PLXNA4: variants seen among roughly 807,000 people sequenced by gnomAD.
PLXNA4 encodes plexin A4, also known as plexin-A4.
PLXNA4 carries 44 observed loss-of-function variants against 191.8 expected under a neutral mutation model. The ratio of observed to expected loss-of-function variants is 0.23; its 90% CI spans 0.18 to 0.29. The LOEUF is 0.29. PLXNA4 is among the 10% of genes least tolerant of loss of function. The pLI is 1.00. For synonymous variants in PLXNA4, 1,082 were observed against 1,009.5 expected, an observed-to-expected ratio of 1.07 and a Z score of -1.36; for missense variants, 1,800 against 2,488.8, an observed-to-expected ratio of 0.72 and a Z score of 5.89.
At chr7:132,367,681 A>T (rs1242090059) in intron 3 of PLXNA4, 1 of 152,296 alleles carries the variant, frequency 6.6e-6, no homozygotes, top group Non-Finnish European at 1.5e-5. Context: ...GAGGAAGGAC[A>T]CATCGGCTGA....
At chr7:132,638,685 A>T (rs1254869363) in intron 2 of PLXNA4, among the ~76,000 whole-genome samples, 1 of 152,158 alleles carries the variant, frequency 6.6e-6, no homozygotes, top group Middle Eastern at 3.4e-3. Context: ...AATGCCGACC[A>T]TTTGTACCCA....
chr7:132,585,186 G>C (rs1450169589), intron 2 of PLXNA4, among the ~76,000 whole-genome samples: 2 of 152,126 alleles, frequency 1.3e-5, no homozygotes, highest in African/African-American at 2.4e-5. Flanking sequence ...GGATGCTCCA[G>C]CACCTCCTTT....
intron 3 of PLXNA4, among the ~76,000 whole-genome samples, chr7:132,373,299 A>G (rs989697023): frequency 2.6e-5 from 4 of 152,182 alleles, no homozygotes; most frequent in Non-Finnish European, 5.9e-5. Context: ...CAGAGGACTC[A>G]GTCTTGCAAT....
chr7:132,560,462 T>C (rs1800991121), intron 1 of PLXNA4, among the ~76,000 whole-genome samples: 1 of 152,086 alleles, frequency 6.6e-6, no homozygotes, highest in Non-Finnish European at 1.5e-5. Context: ...TGCAAGAATC[T>C]CTAGGTGGAT....
chr7:132,234,845 G>A (rs1048095237), intron 5 of PLXNA4, among the ~76,000 whole-genome samples: 29 of 152,140 alleles, frequency 1.9e-4, no homozygotes, highest in African/African-American at 6.5e-4. Context: ...AGTTTGCTGG[G>A]TGGAAGTGGA....
At chr7:132,172,411 C>A (rs1004610481) in intron 21 of PLXNA4, among the ~76,000 whole-genome samples, 1 of 152,164 alleles carries the variant, frequency 6.6e-6, no homozygotes, top group East Asian at 1.9e-4. Flanking sequence ...GGGTGACCTC[C>A]CCTCCAGGAC....
intron 3 of PLXNA4, among the ~76,000 whole-genome samples, chr7:132,462,836 ATTTTTTT>A (rs57607720): frequency 7.9e-5 from 7 of 88,940 alleles, no homozygotes; most frequent in Non-Finnish European, 1.3e-4. Flanking sequence ...CATTTCTATA[ATTTTTTT>A]TTTTTTTTTT....
chr7:132,188,993 GGAGAGAGAGAGAGA>G (rs1235676896), intron 14 of PLXNA4, among the ~76,000 whole-genome samples: 1 of 35,570 alleles, frequency 2.8e-5, no homozygotes, highest in Non-Finnish European at 4.8e-5. Context: ...GGAAAGGAAA[GGAGAGAGAGAGAGA>G]GAGAGAGAGA....
At chr7:132,273,525 G>A (rs1344056182) in intron 4 of PLXNA4, among the ~76,000 whole-genome samples, 1 of 152,172 alleles carries the variant, frequency 6.6e-6, no homozygotes, top group East Asian at 1.9e-4. Flanking sequence ...TTGATGAACA[G>A]CAAGATCCTC....
chr7:132,383,711 G>A, intron 3 of PLXNA4: 1 of 983,280 alleles, frequency 1.0e-6, no homozygotes, highest in Non-Finnish European at 1.2e-6. Context: ...CTAAATAAAT[G>A]CTGAAATGTG....
chr7:132,310,271 T>C (rs917774595), intron 3 of PLXNA4, among the ~76,000 whole-genome samples: 4 of 152,226 alleles, frequency 2.6e-5, no homozygotes, highest in African/African-American at 9.6e-5. Flanking sequence ...GCAATATACA[T>C]ACGTGCCTGT....
At chr7:132,337,515 A>G (rs192823122) in intron 3 of PLXNA4, among the ~76,000 whole-genome samples, 2 of 152,350 alleles carry the variant, frequency 1.3e-5, no homozygotes, top group Non-Finnish European at 2.9e-5. Flanking sequence ...CTTTCGTATA[A>G]ATGCCACCAG....
chr7:132,227,640 G>A (rs751871243), intron 6 of PLXNA4, 36 bp from the exon 7 acceptor site: 13 of 1,613,376 alleles, frequency 8.1e-6, no homozygotes, highest in Non-Finnish European at 1.1e-5. Flanking sequence ...GAAGGAGGAG[G>A]GTGAAATGGG....
intron 2 of PLXNA4, among the ~76,000 whole-genome samples, chr7:132,629,535 T>C (rs1046761452): frequency 2.0e-5 from 3 of 152,228 alleles, no homozygotes; most frequent in African/African-American, 4.8e-5. Flanking sequence ...TTTTAACTCT[T>C]CTAGATGAAA....
rs745493030 is a variant in PLXNA4, at chr7:132,145,186, G to A, written c.5158C>T (p.Leu1720=). Reference sequence around the variant, plus strand: ...CCATGTTTATCAGCCTGCTCATCCAGGAAGTCAAACATGTACTTGATGGCC... The same window carrying A: ...CCATGTTTATCAGCCTGCTCATCCAAGAAGTCAAACATGTACTTGATGGCC... ...PLAIKYMFDF[L]DEQADKHGIH... is the part of the protein sequence containing the mutation. Residue 1720 remains leucine, a synonymous_variant, in exon 29 of 32, where the codon CTG becomes TTG. Transcript: ENST00000321063. 3.1e-6 allele frequency: 5 copies of A among 1,614,094 alleles called. No homozygotes were observed. Among genetic ancestry groups the A allele is most frequent in the Non-Finnish European group, 4.2e-6 (5 of 1,180,042 alleles).
At chr7:132,189,010 GAGAGAGAGAGAGAGAGA>G (rs1796993864) in intron 14 of PLXNA4, among the ~76,000 whole-genome samples, 2 of 69,048 alleles carry the variant, frequency 2.9e-5, no homozygotes, top group Non-Finnish European at 6.7e-5. Flanking sequence ...GAGAGAGAGA[GAGAGAGAGAGAGAGAGA>G]GAAAGAGAGA....
chr7:132,563,223 C>G (rs1585349746), intron 1 of PLXNA4, among the ~76,000 whole-genome samples: 1 of 116,938 alleles, frequency 8.6e-6, no homozygotes, highest in African/African-American at 3.3e-5. Context: ...TCCTCCTTCT[C>G]CTCCTCTTTC....
At chr7:132,355,847 G>A (rs1803681065) in intron 3 of PLXNA4, among the ~76,000 whole-genome samples, 1 of 151,930 alleles carries the variant, frequency 6.6e-6, no homozygotes, top group Admixed American at 6.6e-5. Context: ...GAAGGAGGGA[G>A]TATTCATTTT....
intron 31 of PLXNA4, 109 bp from the exon 32 acceptor site, chr7:132,130,683 G>A: frequency 6.6e-7 from 1 of 1,523,984 alleles, no homozygotes; most frequent in Non-Finnish European, 8.9e-7. Flanking sequence ...GAAGCCACAG[G>A]CATGTGCAGG....
Sources: allele counts gnomAD v4.1 joint callset (sites outside exome capture counted in the v4.1 genomes callset), GRCh38; gene constraint gnomAD v4.1.1; transcripts MANE v1.5; gene names NCBI Gene and HGNC (gene_info 2026-07-23, HGNC 2026-07-21).